The following DCLK1 variants were observed in gnomAD, a reference collection of about 807,000 sequenced individuals.
DCLK1 encodes the protein doublecortin like kinase 1.
DCLK1 carries 16 observed loss-of-function variants against 86.2 expected under a neutral mutation model. The ratio of observed to expected loss-of-function variants is 0.19; its 90% CI spans 0.13 to 0.28. DCLK1 has a LOEUF of 0.28. DCLK1 is among the 10% of genes least tolerant of loss of function. The probability of loss-of-function intolerance (pLI) is 1.00; values close to 1 mark genes in which losing one functional copy is unlikely to be tolerated. For synonymous variants in DCLK1, 369 were observed against 370.5 expected (o/e 1.00, Z 0.05); for missense variants, 590 against 940.2 (o/e 0.63, Z 4.87).
chr13:35,822,933 T>C (rs1007705292), intron 10 of DCLK1, 58 bp from the exon 11 acceptor site: 2 of 1,592,084 alleles, frequency 1.3e-6, no homozygotes, highest in African/African-American at 2.7e-5. Flanking sequence ...TGGGGCCACC[T>C]GCAGAGGCCA....
intron 11 of DCLK1, among the ~76,000 whole-genome samples, chr13:35,818,489 C>A (rs1054898796): frequency 6.6e-6 from 1 of 152,114 alleles, no homozygotes; most frequent in Non-Finnish European, 1.5e-5. Context: ...GAGTTTCTAG[C>A]CAAGGAGAGG....
At chr13:35,865,522 C>A (rs1871725699) in intron 5 of DCLK1, among the ~76,000 whole-genome samples, 1 of 152,174 alleles carries the variant, frequency 6.6e-6, no homozygotes, top group Non-Finnish European at 1.5e-5. Context: ...GCTCTGTTTG[C>A]CTTCTTTCAG....
chr13:35,887,233 A>T (rs970329892), intron 4 of DCLK1, among the ~76,000 whole-genome samples: 1 of 152,184 alleles, frequency 6.6e-6, no homozygotes, highest in Non-Finnish European at 1.5e-5. Flanking sequence ...GACCTGTTTG[A>T]GTGGGCAGGG....
chr13:35,806,815 G>A (rs139242209), intron 14 of DCLK1, among the ~76,000 whole-genome samples: 126 of 152,302 alleles, frequency 8.3e-4, no homozygotes, highest in African/African-American at 2.9e-3. Context: ...AAGAGCCCCC[G>A]GCCCTGCAGC....
At chr13:35,872,358 G>A (rs1872332101) in intron 4 of DCLK1, among the ~76,000 whole-genome samples, 1 of 152,070 alleles carries the variant, frequency 6.6e-6, no homozygotes, top group Admixed American at 6.6e-5. Flanking sequence ...GTGTTGATCT[G>A]TTACCAACCC....
At chr13:35,961,053 T>C (rs914905883) in intron 3 of DCLK1, among the ~76,000 whole-genome samples, 5 of 152,174 alleles carry the variant, frequency 3.3e-5, no homozygotes, top group African/African-American at 9.7e-5. Context: ...TGCAGCAATA[T>C]AGAACAGCAT....
intron 3 of DCLK1, among the ~76,000 whole-genome samples, chr13:35,983,916 CA>C (rs1397121868): frequency 6.6e-6 from 1 of 151,880 alleles, no homozygotes; most frequent in African/African-American, 2.4e-5. Context: ...CCTCCTTGAA[CA>C]GGAGACTGCA....
At chr13:36,034,433 C>T (rs1882410523) in intron 3 of DCLK1, among the ~76,000 whole-genome samples, 1 of 151,886 alleles carries the variant, frequency 6.6e-6, no homozygotes, top group Admixed American at 6.6e-5. Context: ...CTTCAATTTC[C>T]CCAGCTCTCC....
intron 4 of DCLK1, among the ~76,000 whole-genome samples, chr13:35,887,685 T>G (rs1171065): frequency 0.21 from 31,742 of 151,882 alleles, 3,501 homozygotes; most frequent in East Asian, 0.38. Flanking sequence ...ACTGATCTTG[T>G]GAGCATAATT....
At chr13:35,938,379 C>G (rs766253228) in intron 4 of DCLK1, among the ~76,000 whole-genome samples, 4 of 152,188 alleles carry the variant, frequency 2.6e-5, no homozygotes, top group Non-Finnish European at 2.9e-5. Context: ...CCTGTAATCC[C>G]AGCACTTTGG....
intron 16 of DCLK1, among the ~76,000 whole-genome samples, chr13:35,784,989 T>C (rs9574590): frequency 0.35 from 53,361 of 152,048 alleles, 13,457 homozygotes; most frequent in African/African-American, 0.71. Flanking sequence ...AGCGCGGCCA[T>C]CACCGCTCTG....
At chr13:36,125,286 T>C (rs984266258) in intron 2 of DCLK1, among the ~76,000 whole-genome samples, 14 of 152,198 alleles carry the variant, frequency 9.2e-5, no homozygotes, top group African/African-American at 3.4e-4. Context: ...CGACATGTCA[T>C]TTGAATTTTC....
rs9602017 is a variant in DCLK1, at chr13:36,061,105, G to C, written c.723+50764C>G. Among the ~76,000 whole-genome samples, 936 of 152,254 alleles carry C rather than the reference G, an allele frequency of 6.1e-3. 8 individuals carry two copies. The highest frequency in any genetic ancestry group is 0.021 in the African/African-American group (884 of 41,558). Reference sequence around the variant, plus strand: ...AGAGGAAGCATGTGGTGATGGCGATGATGGGGGAGTTGAGGGAGGAGTTGT... The same window carrying C: ...AGAGGAAGCATGTGGTGATGGCGATCATGGGGGAGTTGAGGGAGGAGTTGT... On this transcript the variant is annotated intron_variant, in intron 3 of 16. Transcript: ENST00000360631.
intron 4 of DCLK1, among the ~76,000 whole-genome samples, chr13:35,938,813 A>C (rs1876916777): frequency 6.6e-6 from 1 of 152,144 alleles, no homozygotes; most frequent in South Asian, 2.1e-4. Context: ...TTCACCTATA[A>C]TTCTATATTT....
chr13:36,017,376 A>T (rs866717256), intron 3 of DCLK1, among the ~76,000 whole-genome samples: 16 of 152,338 alleles, frequency 1.1e-4, no homozygotes, highest in Middle Eastern at 6.8e-3. Context: ...GATAGAATGT[A>T]ACACAACTGG....
chr13:35,984,210 A>T (rs1879794313), intron 3 of DCLK1, among the ~76,000 whole-genome samples: 2 of 152,226 alleles, frequency 1.3e-5, no homozygotes, highest in Admixed American at 6.5e-5. Context: ...TCTGTCTGTC[A>T]GCCGAGGATA....
chr13:36,064,317 C>A (rs1348919828), intron 3 of DCLK1, among the ~76,000 whole-genome samples: 1 of 152,152 alleles, frequency 6.6e-6, no homozygotes, highest in African/African-American at 2.4e-5. Context: ...AACACAAATG[C>A]CATTTTCCTG....
chr13:35,799,241 GC>G (rs2086871590), intron 15 of DCLK1, among the ~76,000 whole-genome samples: 1 of 120,110 alleles, frequency 8.3e-6, no homozygotes, highest in Non-Finnish European at 1.6e-5. Context: ...TCAGGCTTGA[GC>G]CTCAGTTGTT....
chr13:36,025,694 T>TA lies in DCLK1; in HGVS notation c.724-78238dup, dbSNP rs1882007399. ...GGCAATGTCCCTAATTAGCAAAGTG[T>TA]AAGGCAATTTTGTGAAAATTCATGG... On this transcript the variant is annotated intron_variant, in intron 3 of 16. Coordinates refer to ENST00000360631, the MANE Select transcript of DCLK1 (RefSeq NM_001330071.2). 5.3e-5 allele frequency among the ~76,000 whole-genome samples: 8 copies of TA among 152,268 alleles called. No homozygotes were observed. The South Asian group carries it at 1.7e-3, about 32-fold the overall frequency.
Sources: allele counts gnomAD v4.1 joint callset (sites outside exome capture counted in the v4.1 genomes callset), GRCh38; gene constraint gnomAD v4.1.1; transcripts MANE v1.5; gene names NCBI Gene and HGNC (gene_info 2026-07-23, HGNC 2026-07-21).